The following IGF1R variants were observed in gnomAD, a reference collection of about 807,000 sequenced individuals.
IGF1R encodes insulin like growth factor 1 receptor.
In IGF1R, 44 loss-of-function variants were observed where a neutral mutation model predicts 144.6. The observed-to-expected ratio is 0.30, with a 90% CI of 0.24 to 0.39. The LOEUF is 0.39. IGF1R is among the 10% of genes least tolerant of loss of function. The probability of loss-of-function intolerance (pLI) is 1.00; values close to 1 mark genes in which losing one functional copy is unlikely to be tolerated. For missense variants in IGF1R, 1,355 were observed against 1,833.7 expected (o/e 0.74, Z 4.77); for synonymous variants, 795 against 722.8 (o/e 1.10, Z -1.60).
chr15:98,788,284 T>G (rs1416604437), intron 2 of IGF1R, among the ~76,000 whole-genome samples: 1 of 152,132 alleles, frequency 6.6e-6, no homozygotes. Context: ...AGTTCTGGGA[T>G]TCAGAGGAGC....
chr15:98,657,448 A>G (rs997542424), intron 1 of IGF1R, among the ~76,000 whole-genome samples: 1 of 152,208 alleles, frequency 6.6e-6, no homozygotes, highest in African/African-American at 2.4e-5. Context: ...GTTGTCCTGT[A>G]TTTATTCTCT....
intron 8 of IGF1R, among the ~76,000 whole-genome samples, chr15:98,914,746 G>C (rs1234518302): frequency 6.6e-6 from 1 of 152,142 alleles, no homozygotes; most frequent in African/African-American, 2.4e-5. Context: ...CAATGAGTCA[G>C]TTCACTACGT....
chr15:98,935,397 T>A lies in IGF1R; in HGVS notation c.3268T>A (p.Tyr1090Asn). The A allele has an allele frequency of 1.3e-6, 2 of 1,551,196 alleles. No homozygotes were observed. Among genetic ancestry groups the A allele is most frequent in the African/African-American group, 1.4e-5 (1 of 73,162 alleles). The change falls in exon 17 of 21, where the codon TAT (tyrosine) becomes AAT (asparagine). Residue 1090 changes from tyrosine to asparagine, a missense_variant. Coordinates refer to ENST00000650285, the MANE Select transcript of IGF1R (RefSeq NM_000875.5). This position sits in a 1 kb window ranked among gnomAD's most constrained non-coding sequence, Gnocchi z 4.2. ...ELMTRGDLKS[Y>N]LRSLRPEMEN... ...GATGACACGGGGCGATCTCAAAAGTTATCTCCGGTCTCTGAGGCCAGAAAT... is the reference window on the plus strand; with the variant it reads ...GATGACACGGGGCGATCTCAAAAGTAATCTCCGGTCTCTGAGGCCAGAAAT...
At chr15:98,840,110 C>T (rs1328521264) in intron 2 of IGF1R, among the ~76,000 whole-genome samples, 2 of 152,194 alleles carry the variant, frequency 1.3e-5, no homozygotes, top group Non-Finnish European at 1.5e-5. Context: ...TTGCACATTA[C>T]ATTCTTTTCT....
chr15:98,911,363 G>T lies in IGF1R; in HGVS notation c.1511G>T (p.Arg504Leu). ...ACCTCCACCACCACGTCGAAGAATC[G>T]CATCATCATAACCTGGCACCGGTAC... ...HFTSTTTSKN[R>L]IIITWHRYRP... is the part of the protein sequence containing the mutation. Residue 504 changes from arginine (R) to leucine (L), a missense_variant, in exon 7 of 21, where the codon CGC (arginine) becomes CTC (leucine). Transcript: ENST00000650285. The T allele has an allele frequency of 6.2e-7, 1 of 1,614,134 alleles. No individual in the cohort carries two copies. Among genetic ancestry groups the T allele is most frequent in the East Asian group, 2.2e-5 (1 of 44,884 alleles).
intron 2 of IGF1R, among the ~76,000 whole-genome samples, chr15:98,748,755 C>T (rs2137682): frequency 0.043 from 6,531 of 152,252 alleles, 472 homozygotes; most frequent in African/African-American, 0.15. Context: ...AGTCCATTGG[C>T]AATGGATATA....
At chr15:98,760,179 T>TAAA (rs5814896) in intron 2 of IGF1R, among the ~76,000 whole-genome samples, 94 of 145,094 alleles carry the variant, frequency 6.5e-4, no homozygotes, top group African/African-American at 2.3e-3. Flanking sequence ...TGTCTCTACT[T>TAAA]AAAAAAAAAA....
intron 5 of IGF1R, among the ~76,000 whole-genome samples, chr15:98,904,995 G>A (rs1214127639): frequency 1.3e-5 from 2 of 152,224 alleles, no homozygotes; most frequent in East Asian, 1.9e-4. Flanking sequence ...AGCCAGAAAA[G>A]CAGGGAAGGC....
At chr15:98,912,951 A>T in intron 7 of IGF1R, 93 bp from the exon 8 acceptor site, 1 of 810,814 alleles carries the variant, frequency 1.2e-6, no homozygotes, top group Non-Finnish European at 2.2e-6. Flanking sequence ...ACCTCCCATT[A>T]TAGAAAGTGT....
intron 2 of IGF1R, chr15:98,784,529 T>C (rs750554048): frequency 1.9e-5 from 3 of 153,980 alleles, no homozygotes; most frequent in Non-Finnish European, 4.4e-5. Flanking sequence ...AGCAATTTAG[T>C]CTAGGTTAAG....
At chr15:98,892,647 A>G (rs547264078) in intron 3 of IGF1R, among the ~76,000 whole-genome samples, 24 of 152,268 alleles carry the variant, frequency 1.6e-4, no homozygotes, top group African/African-American at 5.5e-4. Flanking sequence ...AGATGTTAGC[A>G]TTGTTTAAAA....
At chr15:98,955,733 C>T (rs1199679223) in intron 20 of IGF1R, among the ~76,000 whole-genome samples, 2 of 152,232 alleles carry the variant, frequency 1.3e-5, no homozygotes, top group African/African-American at 2.4e-5. Context: ...GCTTCTCTTA[C>T]ATCAGGGGCC....
chr15:98,903,623 C>T (rs1390825255), intron 5 of IGF1R, among the ~76,000 whole-genome samples: 3 of 152,180 alleles, frequency 2.0e-5, no homozygotes, highest in African/African-American at 4.8e-5. Flanking sequence ...GGGATTCCCC[C>T]GACCCCCAGC....
At chr15:98,913,424 A>C (rs572288018) in intron 8 of IGF1R, 142 bp downstream of exon 8, 1 of 779,496 alleles carries the variant, frequency 1.3e-6, no homozygotes, top group African/African-American at 1.7e-5. Context: ...TGTCATATTC[A>C]TTTCCCCACT....
chr15:98,902,170 C>T (rs2014512694), intron 5 of IGF1R, among the ~76,000 whole-genome samples: 1 of 152,030 alleles, frequency 6.6e-6, no homozygotes, highest in Non-Finnish European at 1.5e-5. Context: ...AGTTGCACCC[C>T]CACCCCAATT....
At chr15:98,716,410 C>T (rs971073033) in intron 2 of IGF1R, among the ~76,000 whole-genome samples, 3 of 152,150 alleles carry the variant, frequency 2.0e-5, no homozygotes, top group African/African-American at 4.8e-5. Flanking sequence ...GCACACTGAT[C>T]ATCATGTATA....
At chr15:98,813,797 G>T (rs2056641883) in intron 2 of IGF1R, among the ~76,000 whole-genome samples, 1 of 152,244 alleles carries the variant, frequency 6.6e-6, no homozygotes, top group Admixed American at 6.5e-5. Context: ...CTTGAGAAAG[G>T]TGGAGAGGAG....
rs982487900 is a variant in IGF1R, at chr15:98,899,637, T to C, written c.1247+16T>C. The C allele has an allele frequency of 1.3e-5, 21 of 1,613,218 alleles. No individual in the cohort carries two copies. The highest frequency in any genetic ancestry group is 1.8e-5 in the Non-Finnish European group (21 of 1,179,354). On this transcript the variant is annotated intron_variant, in intron 5 of 20. Coordinates refer to ENST00000650285, the MANE Select transcript of IGF1R (RefSeq NM_000875.5). The stretch of plus-strand genomic sequence containing the variant: ...AGCTAGAAGGGTAAGTGCCCCAAAT[T>C]TCATGAGCTGACGTTCTATTACAAA...
At chr15:98,832,611 G>C (rs1317314517) in intron 2 of IGF1R, among the ~76,000 whole-genome samples, 3 of 152,146 alleles carry the variant, frequency 2.0e-5, no homozygotes, top group African/African-American at 7.2e-5. Flanking sequence ...GATCTTGATT[G>C]CCTTTCTTGA....
Sources: gnomAD v4.1 joint callset for allele counts (sites outside exome capture counted in the v4.1 genomes callset) on GRCh38, gnomAD v4.1.1 for gene constraint, Gnocchi (gnomAD v3.1) non-coding constraint, MANE v1.5 for transcripts, NCBI Gene and HGNC (gene_info 2026-07-23, HGNC 2026-07-21) for gene names.